GPSM2: variants seen among roughly 807,000 people sequenced by gnomAD.
GPSM2 encodes the protein G protein-signaling modulator 2.
Under a neutral mutation model 78.4 loss-of-function variants are expected in GPSM2, and 58 were observed. The ratio of observed to expected loss-of-function variants is 0.74; its 90% confidence interval spans 0.60 to 0.92. The LOEUF (loss-of-function observed/expected upper bound fraction) is 0.92. Ranked by LOEUF, GPSM2 falls within the 40% of genes least tolerant of loss-of-function variation. GPSM2 has a pLI of 0.00. For missense variants in GPSM2, 700 were observed against 815.5 expected (o/e 0.86, Z 1.73); for synonymous variants, 224 against 280.2 (o/e 0.80, Z 2.00).
rs1209257864 is a variant in GPSM2, at chr1:108,933,080, A to G, written c.*3140A>G. The G allele has an allele frequency of 6.6e-6, 1 of 152,210 alleles. No individual in the cohort carries two copies. The highest frequency in any genetic ancestry group is 1.5e-5 in the Non-Finnish European group (1 of 68,070). The allele number at this position is 152,210 out of a possible 1,614,324, so 9.4% of individuals were successfully genotyped here. ...TTTAGTACATAGCCTTGAACAACTGAGCTTAAGCGATCATCCTCCCTCAAC... is the reference window on the plus strand; with the variant it reads ...TTTAGTACATAGCCTTGAACAACTGGGCTTAAGCGATCATCCTCCCTCAAC... On this transcript the variant is annotated 3_prime_UTR_variant, in exon 15 of 15. Transcript: ENST00000264126.
chr1:108,934,532 TGTTGAA>T lies in GPSM2; in HGVS notation c.*4599_*4604del. 3 of 940,592 alleles carry T rather than the reference TGTTGAA, an allele frequency of 3.2e-6. No individual in the cohort carries two copies. Among genetic ancestry groups the T allele is most frequent in the Non-Finnish European group, 4.6e-6 (3 of 645,764 alleles). The allele number at this position is 940,592 out of a possible 1,614,324, so 58.3% of individuals were successfully genotyped here. On this transcript the variant is annotated 3_prime_UTR_variant, in exon 15 of 15. Transcript: ENST00000264126. ...TTCTAATTGTCAGTAAAAATGTGAA[TGTTGAA>T]GTTGAAATGTGAATGTTGAAGTTGG...
rs184143921 is a variant in GPSM2, at chr1:108,920,442, C to G, written c.1440+1653C>G. ...CGAGATCGCGCCACTGTACTCCAGC[C>G]TGGGTGACAGAGTGAGACTCTGTCT... On this transcript the variant is annotated intron_variant, in intron 12 of 14. Transcript: ENST00000264126. Among the ~76,000 whole-genome samples, 535 of 152,030 alleles carry G rather than the reference C, an allele frequency of 3.5e-3. 2 individuals are homozygous for G. Among genetic ancestry groups the G allele is most frequent in the South Asian group, 7.7e-3 (37 of 4,814 alleles).
At chr1:108,888,903 T>G (rs1647762647) in intron 2 of GPSM2, among the ~76,000 whole-genome samples, 1 of 152,184 alleles carries the variant, frequency 6.6e-6, no homozygotes, top group Non-Finnish European at 1.5e-5. Flanking sequence ...TTTAAGATAA[T>G]TAAGATGAGC....
chr1:108,912,552 G>A (rs1649834541), intron 10 of GPSM2, among the ~76,000 whole-genome samples: 1 of 150,448 alleles, frequency 6.6e-6, no homozygotes, highest in African/African-American at 2.5e-5. Context: ...AGACCAGCCT[G>A]GGCAACATAG....
Position 108,883,461 on chromosome 1 carries a change from C to T in GPSM2, c.-248-1814C>T, listed in dbSNP as rs958438307. ...CTCAAAGTATGGAACGATTTTCTTA[C>T]AGGAATATTCAAAATTAAGATTAGC... On this transcript the variant is annotated intron_variant, in intron 1 of 14. Coordinates refer to ENST00000264126, the MANE Select transcript of GPSM2 (RefSeq NM_013296.5). 2.2e-4 allele frequency among the ~76,000 whole-genome samples: 33 copies of T among 152,160 alleles called. 1 individual carries two copies. Among genetic ancestry groups the T allele is most frequent in the Non-Finnish European group, 4.4e-5 (3 of 68,028 alleles).
At position 108,931,211 on chromosome 1, in the gene GPSM2, TAAAC is replaced by T. The variant is rs367778139; in HGVS notation, c.*1277_*1280del. The T allele has an allele frequency of 8.3e-4, 1,055 of 1,265,142 alleles. 9 individuals carry two copies. In the African/African-American group the frequency reaches 0.014, roughly 16 times the overall value. The allele number at this position is 1,265,142 out of a possible 1,614,324, so 78.4% of individuals were successfully genotyped here. A position where few individuals can be genotyped will look rare whatever the true frequency, so the allele number is the denominator to read the frequency against. On this transcript the variant is annotated 3_prime_UTR_variant, in exon 15 of 15. Coordinates refer to ENST00000264126, the MANE Select transcript of GPSM2 (RefSeq NM_013296.5). ...GGTTAGGTCAAGAACCTAGGACACA[TAAAC>T]AAACAGAAAACAGATGAAAACTCAC... is the stretch of plus-strand genomic sequence containing the variant.
At chr1:108,897,131 ATTAC>A (rs1377095244) in intron 3 of GPSM2, 46 bp downstream of exon 3, 1 of 1,323,714 alleles carries the variant, frequency 7.6e-7, no homozygotes, top group African/African-American at 1.4e-5. Flanking sequence ...GAAATTAGCT[ATTAC>A]TTTAAAAAAT....
Position 108,898,889 on chromosome 1 carries a change from T to C in GPSM2, c.692T>C (p.Ile231Thr). The C allele has an allele frequency of 6.2e-7, 1 of 1,611,122 alleles. No homozygotes were observed. Among genetic ancestry groups the C allele is most frequent in the East Asian group, 2.2e-5 (1 of 44,830 alleles). Residue 231 changes from isoleucine (I) to threonine (T), a missense_variant, in exon 7 of 15, where the codon ATT becomes ACT. Transcript: ENST00000264126. ...AVIAHEQRLL[I>T]AKEFGDKAAE... ...AATTGTTTGTTTCAGCGTCTCCTTATTGCAAAAGAATTTGGAGATAAAGCA... is the reference window on the plus strand; with the variant it reads ...AATTGTTTGTTTCAGCGTCTCCTTACTGCAAAAGAATTTGGAGATAAAGCA...
intron 2 of GPSM2, among the ~76,000 whole-genome samples, chr1:108,891,664 A>ATTTTTTTTTTTTTTTT (rs58295802): frequency 1.7e-5 from 2 of 117,208 alleles, no homozygotes; most frequent in Non-Finnish European, 1.7e-5. Flanking sequence ...CAGCCAGCTA[A>ATTTTTTTTTTTTTTTT]TTTTTTTTTT....
At chr1:108,913,870 A>G (rs1258189964) in intron 10 of GPSM2, among the ~76,000 whole-genome samples, 1 of 152,222 alleles carries the variant, frequency 6.6e-6, no homozygotes, top group Non-Finnish European at 1.5e-5. Flanking sequence ...TAAGTCTGTC[A>G]TCTAATGAGA....
chr1:108,919,196 C>T (rs338471), intron 12 of GPSM2, among the ~76,000 whole-genome samples: 3,209 of 152,058 alleles, frequency 0.021, 111 homozygotes, highest in African/African-American at 0.072. Flanking sequence ...TCAGTAGAGA[C>T]GGGGTTTCAC....
intron 1 of GPSM2, among the ~76,000 whole-genome samples, chr1:108,883,838 C>G (rs1422149957): frequency 6.6e-6 from 1 of 152,024 alleles, no homozygotes; most frequent in African/African-American, 2.4e-5. Flanking sequence ...CTGAACTTCT[C>G]TTTATTATTT....
At position 108,883,625 on chromosome 1, in the gene GPSM2, CTTT is replaced by C. The variant is rs1647278874; in HGVS notation, c.-248-1649_-248-1647del. On this transcript the variant is annotated intron_variant, in intron 1 of 14. Coordinates refer to ENST00000264126, the MANE Select transcript of GPSM2 (RefSeq NM_013296.5). ...CTCATATATGTATATGTATATCCTT[CTTT>C]GTCTTTCTCAACTGTTATCTCAGAG... Among the ~76,000 whole-genome samples, 4 of 152,260 alleles carry C rather than the reference CTTT, an allele frequency of 2.6e-5. No individual in the cohort carries two copies. In the South Asian group the frequency reaches 8.3e-4, roughly 32 times the overall value.
At chr1:108,913,289 C>T (rs1179277066) in intron 10 of GPSM2, among the ~76,000 whole-genome samples, 1 of 152,140 alleles carries the variant, frequency 6.6e-6, no homozygotes. Flanking sequence ...GTGTGCTTAT[C>T]ATAGCAAAAA....
chr1:108,908,678 CGT>C (rs1298304503), intron 10 of GPSM2, among the ~76,000 whole-genome samples: 105 of 135,438 alleles, frequency 7.8e-4, no homozygotes, highest in African/African-American at 2.9e-3. Flanking sequence ...TCAAAACACA[CGT>C]GCGCGCACAC....
Position 108,903,192 on chromosome 1 carries a change from A to C in GPSM2, c.1020A>C (p.Gln340His). 1 of 1,610,766 alleles carries C rather than the reference A, an allele frequency of 6.2e-7. No homozygotes were observed. Among genetic ancestry groups the C allele is most frequent in the Non-Finnish European group, 8.5e-7 (1 of 1,177,108 alleles). The change falls in exon 9 of 15, where the codon CAA becomes CAC. Residue 340 changes from glutamine (Q) to histidine (H), a missense_variant. Gln to His is a conservative substitution (Grantham distance 24). Coordinates refer to ENST00000264126, the MANE Select transcript of GPSM2 (RefSeq NM_013296.5). ...NAYTALGNHDQAMHFAEKHLE... is the reference protein window; with the variant it reads ...NAYTALGNHDHAMHFAEKHLE... ...ACACAGCACTAGGAAATCATGATCA[A>C]GCAATGCATTTTGCTGAAAAGCACT...
intron 12 of GPSM2, among the ~76,000 whole-genome samples, chr1:108,919,120 G>C (rs1215386460): frequency 6.6e-6 from 1 of 151,880 alleles, no homozygotes; most frequent in East Asian, 1.9e-4. Context: ...CGATTCTCCT[G>C]CCTCAGCCTC....
rs1453008315 is a variant in GPSM2, at chr1:108,932,803, T to C, written c.*2863T>C. 1 of 152,244 alleles carries C rather than the reference T, an allele frequency of 6.6e-6. No homozygotes were observed. The highest frequency in any genetic ancestry group is 2.4e-5 in the African/African-American group (1 of 41,464). 9.4% of individuals were successfully genotyped at this position (152,244 alleles called of 1,614,324 possible). On this transcript the variant is annotated 3_prime_UTR_variant, in exon 15 of 15. Coordinates refer to ENST00000264126, the MANE Select transcript of GPSM2 (RefSeq NM_013296.5). ...GGATTCATTTGTTAAACATGTCCTC[T>C]GTGTTAAAAATCCTAAAATCCTTTT...
At chr1:108,905,616 C>T (rs1025568139) in intron 10 of GPSM2, among the ~76,000 whole-genome samples, 10 of 152,104 alleles carry the variant, frequency 6.6e-5, no homozygotes, top group African/African-American at 2.2e-4. Flanking sequence ...CTTTCCTCTA[C>T]GTTTGTAGTG....
Sources: gnomAD v4.1 joint callset for allele counts (sites outside exome capture counted in the v4.1 genomes callset) on GRCh38, gnomAD v4.1.1 for gene constraint, MANE v1.5 for transcripts, NCBI Gene and HGNC (gene_info 2026-07-23, HGNC 2026-07-21) for gene names.